Variants in LAMP3 observed in about 807,000 individuals in gnomAD.
The protein encoded by LAMP3 is lysosome associated membrane protein 3, also known as lysosome-associated membrane glycoprotein 3.
In LAMP3, 26 loss-of-function variants were observed where a neutral mutation model predicts 34.8. That is an observed-to-expected ratio of 0.75 (90% confidence interval 0.55 to 1.04). LAMP3 has a LOEUF of 1.04. LAMP3 is among the 50% of genes least tolerant of loss of function. LAMP3 has a pLI of 0.00. For missense variants in LAMP3, 495 were observed against 524.0 expected, an observed-to-expected ratio of 0.94 and a Z score of 0.54; for synonymous variants, 180 against 201.9, an observed-to-expected ratio of 0.89 and a Z score of 0.92.
At chr3:183,162,744 A>G (rs1438426081), upstream of LAMP3, 7 of 1,239,956 alleles carry the variant, frequency 5.6e-6, no homozygotes, top group Non-Finnish European at 7.5e-6. Context: ...TGCCGGAGAA[A>G]CGAAACCACC....
intron 1 of LAMP3, among the ~76,000 whole-genome samples, chr3:183,161,736 C>T (rs558502492): frequency 1.3e-5 from 2 of 152,216 alleles, no homozygotes; most frequent in East Asian, 3.9e-4. Context: ...TCAAGGAGCG[C>T]TCACATACAG....
At chr3:183,161,485 G>T (rs1720972300) in intron 1 of LAMP3, among the ~76,000 whole-genome samples, 1 of 152,056 alleles carries the variant, frequency 6.6e-6, no homozygotes, top group African/African-American at 2.4e-5. Flanking sequence ...CCGCCTCTTG[G>T]GTTCAAGTGA....
intron 1 of LAMP3, among the ~76,000 whole-genome samples, chr3:183,159,380 G>A (rs889019343): frequency 3.9e-5 from 6 of 152,322 alleles, no homozygotes; most frequent in Middle Eastern, 3.4e-3. Context: ...TCAGCATGAC[G>A]GGAACACAGG....
upstream of LAMP3, among the ~76,000 whole-genome samples, chr3:183,163,152 G>T (rs1055306407): frequency 2.0e-5 from 3 of 150,656 alleles, no homozygotes; most frequent in South Asian, 2.1e-4. Flanking sequence ...GAGACGGGGT[G>T]TCACCATATT....
At chr3:183,157,853 G>A (rs560234509) in intron 1 of LAMP3, among the ~76,000 whole-genome samples, 27 of 152,232 alleles carry the variant, frequency 1.8e-4, no homozygotes, top group Middle Eastern at 3.4e-3. Flanking sequence ...ACAAATGAAC[G>A]GCATCCTAAA....
At chr3:183,137,536 C>T (rs111914585) in intron 4 of LAMP3, among the ~76,000 whole-genome samples, 472 of 152,218 alleles carry the variant, frequency 3.1e-3, no homozygotes, top group African/African-American at 0.011. Context: ...TTAATGCCAG[C>T]GTCTGTACAT....
chr3:183,163,118 C>T (rs1024547726), upstream of LAMP3, among the ~76,000 whole-genome samples: 1 of 151,750 alleles, frequency 6.6e-6, no homozygotes, highest in Non-Finnish European at 1.5e-5. Context: ...CCACCACACC[C>T]GGCTAATTTT....
chr3:183,132,633 G>A, intron 5 of LAMP3: 1 of 985,416 alleles, frequency 1.0e-6, no homozygotes. Flanking sequence ...CAAAGCAACA[G>A]GAGGAAGTAG....
At chr3:183,144,054 C>T (rs906366161) in intron 3 of LAMP3, among the ~76,000 whole-genome samples, 6 of 152,258 alleles carry the variant, frequency 3.9e-5, no homozygotes, top group South Asian at 4.1e-4. Flanking sequence ...CAAAACACAC[C>T]GTGGAAGTTT....
At chr3:183,146,163 T>G (rs1168947798) in intron 3 of LAMP3, among the ~76,000 whole-genome samples, 3 of 152,294 alleles carry the variant, frequency 2.0e-5, no homozygotes, top group Admixed American at 2.0e-4. Context: ...TTTGACAATG[T>G]CTGGAGACAT....
At chr3:183,140,169 G>A (rs1720230158) in intron 4 of LAMP3, among the ~76,000 whole-genome samples, 1 of 152,150 alleles carries the variant, frequency 6.6e-6, no homozygotes. Flanking sequence ...CACTGTGTGA[G>A]ACTGAGGTGG....
At chr3:183,132,043 C>A in intron 5 of LAMP3, 1 of 985,254 alleles carries the variant, frequency 1.0e-6, no homozygotes. Flanking sequence ...TCCTGTCCTG[C>A]AATGGTCCAA....
intron 5 of LAMP3, among the ~76,000 whole-genome samples, chr3:183,124,747 G>C (rs1719744056): frequency 6.6e-6 from 1 of 152,126 alleles, no homozygotes; most frequent in Admixed American, 6.5e-5. Context: ...CAGGAGAATT[G>C]CTTGAACCCG....
intron 5 of LAMP3, among the ~76,000 whole-genome samples, chr3:183,125,719 G>A (rs910503267): frequency 2.6e-5 from 4 of 152,178 alleles, no homozygotes; most frequent in African/African-American, 9.7e-5. Context: ...AAGACCTTTT[G>A]GAGTACATGA....
At chr3:183,152,672 G>C (rs112148768) in intron 2 of LAMP3, among the ~76,000 whole-genome samples, 169 bp from the exon 3 acceptor site, 7 of 152,218 alleles carry the variant, frequency 4.6e-5, no homozygotes, top group African/African-American at 1.7e-4. Context: ...ATGTTCAAAA[G>C]CTTTCTTAAA....
At chr3:183,140,380 C>T (rs1334289147) in intron 4 of LAMP3, among the ~76,000 whole-genome samples, 158 bp downstream of exon 4, 2 of 136,814 alleles carry the variant, frequency 1.5e-5, no homozygotes, top group Admixed American at 8.0e-5. Flanking sequence ...CACTACACTC[C>T]AGCCTGGGAA....
At chr3:183,144,618 G>T (rs1159935676) in intron 3 of LAMP3, among the ~76,000 whole-genome samples, 2 of 152,194 alleles carry the variant, frequency 1.3e-5, no homozygotes, top group Non-Finnish European at 2.9e-5. Context: ...CACTGTGAGG[G>T]TGTCAACACT....
At chr3:183,162,870 C>G (rs540192548), upstream of LAMP3, 9 of 524,320 alleles carry the variant, frequency 1.7e-5, no homozygotes, top group South Asian at 1.6e-4. Flanking sequence ...GCGCAGCCGC[C>G]GGGGCCCGGG....
At chr3:183,125,264 G>A (rs913821813) in intron 5 of LAMP3, among the ~76,000 whole-genome samples, 4 of 152,134 alleles carry the variant, frequency 2.6e-5, no homozygotes, top group African/African-American at 9.7e-5. Flanking sequence ...GTCATTGTAC[G>A]AACTAACACT....
Sources: allele counts gnomAD v4.1 joint callset (sites outside exome capture counted in the v4.1 genomes callset), GRCh38; gene constraint gnomAD v4.1.1; transcripts MANE v1.5; gene names NCBI Gene and HGNC (gene_info 2026-07-23, HGNC 2026-07-21).